The following FMO3 variants were observed in gnomAD, a reference collection of about 807,000 sequenced individuals.
FMO3 encodes flavin-containing monooxygenase 3.
In FMO3, 40 loss-of-function variants were observed where a neutral mutation model predicts 39.4. The observed-to-expected ratio is 1.02, with a 90% CI of 0.79 to 1.32. The LOEUF is 1.32. Ranked by LOEUF, FMO3 falls within the 40% of genes most tolerant of loss-of-function variation. The pLI is 0.00. For missense variants in FMO3, 680 were observed against 651.8 expected, an observed-to-expected ratio of 1.04 and a Z score of -0.47; for synonymous variants, 219 against 228.8, an observed-to-expected ratio of 0.96 and a Z score of 0.39.
chr1:171,107,556 G>T lies in FMO3; in HGVS notation c.322-119G>T, dbSNP rs930395585. ...TTTATTCTGAGGGAATTTTAAATTTGTAATATGTATCTTAATCATTAAATA... is the reference window on the plus strand; with the variant it reads ...TTTATTCTGAGGGAATTTTAAATTTTTAATATGTATCTTAATCATTAAATA... On this transcript the variant is annotated intron_variant, in intron 3 of 8. Transcript: ENST00000367755. The T allele has an allele frequency of 2.8e-5, 21 of 750,744 alleles. No homozygotes were observed. In the South Asian group the frequency reaches 3.2e-4, roughly 11 times the overall value. 46.5% of individuals were successfully genotyped at this position (750,744 alleles called of 1,614,324 possible).
At chr1:171,096,151 G>C (rs185266583) in intron 2 of FMO3, among the ~76,000 whole-genome samples, 1 of 80,476 alleles carries the variant, frequency 1.2e-5, no homozygotes, top group Non-Finnish European at 2.1e-5. Context: ...ATATTGATAT[G>C]AATATATAAT....
At chr1:171,096,011 A>G (rs1341961584) in intron 2 of FMO3, among the ~76,000 whole-genome samples, 1 of 52,398 alleles carries the variant, frequency 1.9e-5, no homozygotes, top group Non-Finnish European at 3.1e-5. Flanking sequence ...ATATTAATAT[A>G]CATATTATAT....
chr1:171,093,432 T>A (rs560791460), intron 2 of FMO3, among the ~76,000 whole-genome samples: 3 of 152,140 alleles, frequency 2.0e-5, no homozygotes, highest in African/African-American at 7.2e-5. Context: ...TCCAGTCCCA[T>A]CCATGTTGCT....
chr1:171,116,889 C>G (rs1656177570), intron 8 of FMO3, among the ~76,000 whole-genome samples: 1 of 152,070 alleles, frequency 6.6e-6, no homozygotes, highest in Non-Finnish European at 1.5e-5. Flanking sequence ...TATGAAAGTT[C>G]TTTAAAAAAA....
Position 171,110,864 on chromosome 1 carries a change from G to A in FMO3, c.694G>A (p.Asp232Asn), listed in dbSNP as rs1411210248. 3.7e-6 allele frequency: 6 copies of A among 1,613,874 alleles called. No homozygotes were observed. Among genetic ancestry groups the A allele is most frequent in the Non-Finnish European group, 5.1e-6 (6 of 1,179,944 alleles). The change falls in exon 6 of 9, where the codon GAC (aspartate) becomes AAC (asparagine). Residue 232 changes from aspartate to asparagine, a missense_variant. Asp to Asn is a conservative substitution (Grantham distance 23). Transcript: ENST00000367755. ...SRVWDNGYPW[D>N]MLLVTRFGTF... The stretch of plus-strand genomic sequence containing the variant: ...GGTCTGGGACAATGGTTATCCTTGG[G>A]ACATGCTGCTCGTCACTCGATTTGG...
chr1:171,105,002 C>T (rs2101910064), intron 3 of FMO3, among the ~76,000 whole-genome samples: 1 of 152,040 alleles, frequency 6.6e-6, no homozygotes, highest in East Asian at 1.9e-4. Context: ...AAAAATATAA[C>T]AAGAATACTA....
At chr1:171,096,283 ATT>A (rs1491573963) in intron 2 of FMO3, among the ~76,000 whole-genome samples, 5 of 63,678 alleles carry the variant, frequency 7.9e-5, no homozygotes, top group African/African-American at 4.4e-4. Flanking sequence ...TATTATATAT[ATT>A]ATATATCTAT....
At chr1:171,110,765 A>G (rs1655867945) in intron 5 of FMO3, 33 bp from the exon 6 acceptor site, 2 of 1,600,494 alleles carry the variant, frequency 1.2e-6, no homozygotes, top group Non-Finnish European at 1.7e-6. Context: ...ACAAATGGTC[A>G]CTAATTTCAT....
Position 171,108,207 on chromosome 1 carries a change from C to T in FMO3, c.613C>T (p.Arg205Cys), listed in dbSNP as rs28363549. 3.9e-4 allele frequency: 632 copies of T among 1,613,750 alleles called. 10 individuals are homozygous for T. In the East Asian group the frequency reaches 0.013, roughly 34 times the overall value. Residue 205 changes from arginine (R) to cysteine (C), a missense_variant, in exon 5 of 9, where the codon CGC (arginine) becomes TGC (cysteine). Physicochemically the swap from Arg to Cys is radical, Grantham distance 180. Transcript: ENST00000367755. ...SGCDIATELS[R>C]TAEQVMISSR... is the part of the protein sequence containing the mutation. ...CTGTGATATTGCCACAGAACTCAGC[C>T]GCACAGCAGAACAGGTACTACTCCC...
At chr1:171,101,760 C>A in intron 2 of FMO3, 1 of 516,748 alleles carries the variant, frequency 1.9e-6, no homozygotes, top group Non-Finnish European at 4.0e-6. Flanking sequence ...GCGGCCTAAT[C>A]ACAGGCCACA....
At chr1:171,116,559 C>G (rs963817700) in intron 8 of FMO3, among the ~76,000 whole-genome samples, 1 of 152,122 alleles carries the variant, frequency 6.6e-6, no homozygotes, top group Non-Finnish European at 1.5e-5. Context: ...TAATATATAT[C>G]ATAGAAAGGA....
At chr1:171,096,149 A>G (rs1374811027) in intron 2 of FMO3, among the ~76,000 whole-genome samples, 1 of 78,856 alleles carries the variant, frequency 1.3e-5, no homozygotes, top group African/African-American at 5.6e-5. Context: ...ATATATTGAT[A>G]TGAATATATA....
At position 171,114,259 on chromosome 1, in the gene FMO3, A is replaced by AAAGGAG; in HGVS notation, c.1080_1081insAAGGAG (p.Leu360_Leu361insLysGlu). The AAAGGAG allele has an allele frequency of 6.2e-7, 1 of 1,613,994 alleles. No homozygotes were observed. The highest frequency in any genetic ancestry group is 1.1e-5 in the South Asian group (1 of 91,092). On this transcript the variant is annotated inframe_insertion, in exon 7 of 9. Transcript: ENST00000367755. Reference sequence around the variant, plus strand: ...TATTTAAAGGAGTATTTCCTCCTCTACTTGAGAAGTCAACCATAGCAGTGA... The same window carrying AAAGGAG: ...TATTTAAAGGAGTATTTCCTCCTCTAAAGGAGCTTGAGAAGTCAACCATAGCAGTGA...
chr1:171,096,508 T>C (rs1201666055), intron 2 of FMO3, among the ~76,000 whole-genome samples: 2 of 105,662 alleles, frequency 1.9e-5, no homozygotes, highest in Non-Finnish European at 3.4e-5. Context: ...ATACTTTATA[T>C]ATTAAATACA....
chr1:171,116,937 C>T (rs1175913100), intron 8 of FMO3, among the ~76,000 whole-genome samples, 163 bp from the exon 9 acceptor site: 1 of 152,050 alleles, frequency 6.6e-6, no homozygotes, highest in Non-Finnish European at 1.5e-5. Context: ...TCTCCTTATA[C>T]AAGAAATTGA....
In FMO3 at chr1:171,107,181, G is replaced by T. The variant is rs189439491; in HGVS notation, c.322-494G>T. Among the ~76,000 whole-genome samples, 50 of 152,272 alleles carry T rather than the reference G, an allele frequency of 3.3e-4. No individual in the cohort carries two copies. The East Asian group carries it at 8.9e-3, about 27-fold the overall frequency. On this transcript the variant is annotated intron_variant, in intron 3 of 8. Transcript: ENST00000367755. ...TCTAGTCAAAGCTACTCAGTGTATA[G>T]TCCAAGTGACATCAGCGTCACCTAG...
chr1:171,095,874 A>ATTAT (rs1654944882), intron 2 of FMO3, among the ~76,000 whole-genome samples: 1 of 5,228 alleles, frequency 1.9e-4, no homozygotes, highest in Non-Finnish European at 6.8e-4. Flanking sequence ...AATATATATA[A>ATTAT]AATATAATTA....
rs528472384 is a variant in FMO3 at position 171,105,512 on chromosome 1, A to C, written c.321+1539A>C. ...TAGTTTACGGTCCCACCAACAGTGT[A>C]AAAGTGTTCCTATTTCTCCACATCC... is the stretch of plus-strand genomic sequence containing the variant. On this transcript the variant is annotated intron_variant, in intron 3 of 8. Coordinates refer to ENST00000367755, the MANE Select transcript of FMO3 (RefSeq NM_001002294.3). Among the ~76,000 whole-genome samples, 26 of 152,280 alleles carry C rather than the reference A, an allele frequency of 1.7e-4. 1 individual carries two copies. The highest frequency in any genetic ancestry group is 6.3e-4 in the African/African-American group (26 of 41,570).
At chr1:171,107,198 G>A (rs1354179819) in intron 3 of FMO3, among the ~76,000 whole-genome samples, 3 of 152,136 alleles carry the variant, frequency 2.0e-5, no homozygotes, top group African/African-American at 4.8e-5. Flanking sequence ...TGACATCAGC[G>A]TCACCTAGGA....
Sources: allele counts gnomAD v4.1 joint callset (sites outside exome capture counted in the v4.1 genomes callset), GRCh38; gene constraint gnomAD v4.1.1; transcripts MANE v1.5; gene names NCBI Gene and HGNC (gene_info 2026-07-23, HGNC 2026-07-21).